INPP5A: variants seen among roughly 807,000 people sequenced by gnomAD.
INPP5A encodes the protein inositol polyphosphate-5-phosphatase A.
INPP5A carries 14 observed loss-of-function variants against 65.2 expected under a neutral mutation model. The ratio of observed to expected loss-of-function variants is 0.21; its 90% CI spans 0.14 to 0.34. INPP5A has a LOEUF of 0.34. Among genes scored for constraint, INPP5A ranks in the 10% least tolerant of loss-of-function variants. INPP5A has a pLI of 1.00. For missense variants in INPP5A, 431 were observed against 545.6 expected (o/e 0.79, Z 2.09); for synonymous variants, 207 against 208.3 (o/e 0.99, Z 0.05).
At chr10:132,617,708 G>A (rs1364759032) in intron 2 of INPP5A, among the ~76,000 whole-genome samples, 1 of 152,220 alleles carries the variant, frequency 6.6e-6, no homozygotes, top group Non-Finnish European at 1.5e-5. Context: ...GGCGTGTGTG[G>A]AGCAACTGCC....
chr10:132,681,908 A>G (rs1483963361), intron 4 of INPP5A, among the ~76,000 whole-genome samples: 3 of 152,244 alleles, frequency 2.0e-5, no homozygotes, highest in African/African-American at 7.2e-5. Context: ...AGGAACTTGG[A>G]GGACATTATG....
chr10:132,766,594 T>C (rs970154471), intron 12 of INPP5A, among the ~76,000 whole-genome samples: 1 of 152,194 alleles, frequency 6.6e-6, no homozygotes, highest in Non-Finnish European at 1.5e-5. Flanking sequence ...CATGGTTGCA[T>C]ATGTGAGCAT....
rs190034811 is a variant in INPP5A, at chr10:132,720,098, G to A, written c.648-6723G>A. 2.9e-3 allele frequency among the ~76,000 whole-genome samples: 434 copies of A among 150,120 alleles called. 1 individual carries two copies. Among genetic ancestry groups the A allele is most frequent in the African/African-American group, 0.01 (410 of 40,584 alleles). On this transcript the variant is annotated intron_variant, in intron 8 of 15. Transcript: ENST00000368594. Reference sequence around the variant, plus strand: ...TGGGCGCCTTAGACGGCTGTCTTGCGGGTTCTGTGGTACCTGGGTTCTGTC... The same window carrying A: ...TGGGCGCCTTAGACGGCTGTCTTGCAGGTTCTGTGGTACCTGGGTTCTGTC...
chr10:132,702,476 TA>T (rs1845452428), intron 6 of INPP5A, among the ~76,000 whole-genome samples: 1 of 152,190 alleles, frequency 6.6e-6, no homozygotes, highest in African/African-American at 2.4e-5. Flanking sequence ...AGGAGAAGAA[TA>T]ATTAATTTTG....
At chr10:132,607,803 C>G (rs1038612403) in intron 1 of INPP5A, 112 bp from the exon 2 acceptor site, 2 of 1,089,348 alleles carry the variant, frequency 1.8e-6, no homozygotes, top group African/African-American at 3.1e-5. Flanking sequence ...GGGGTGGGCC[C>G]GGGCTGCGCC....
chr10:132,780,768 T>C, intron 13 of INPP5A, 81 bp from the exon 14 acceptor site: 1 of 1,129,808 alleles, frequency 8.9e-7, no homozygotes, highest in Admixed American at 1.7e-5. Flanking sequence ...CACAAAACCC[T>C]GATGTTCCTG....
intron 1 of INPP5A, among the ~76,000 whole-genome samples, chr10:132,552,328 G>C (rs528902814): frequency 6.8e-6 from 1 of 147,540 alleles, no homozygotes; most frequent in African/African-American, 2.6e-5. Flanking sequence ...GGCATATTGA[G>C]TGGGATAGGG....
intron 4 of INPP5A, among the ~76,000 whole-genome samples, chr10:132,672,994 G>T (rs536335045): frequency 6.6e-6 from 1 of 152,162 alleles, no homozygotes; most frequent in Non-Finnish European, 1.5e-5. Context: ...GTAGTTTCCC[G>T]TTGACCTTAA....
Position 132,596,945 on chromosome 10 carries a change from G to GCGCATGTGCACGCA in INPP5A, c.76-10970_76-10969insCGCATGTGCACGCA, listed in dbSNP as rs1564929060. On this transcript the variant is annotated intron_variant, in intron 1 of 15. Coordinates refer to ENST00000368594, the MANE Select transcript of INPP5A (RefSeq NM_005539.5). ...TGCGCGCATGTGCACGCATGTGTGCGTGTGTGCACACATGTGTGCGTGTGT... is the reference window on the plus strand; with the variant it reads ...TGCGCGCATGTGCACGCATGTGTGCGCGCATGTGCACGCATGTGTGCACACATGTGTGCGTGTGT... Among the ~76,000 whole-genome samples, 13 of 130,730 alleles carry GCGCATGTGCACGCA rather than the reference G, an allele frequency of 9.9e-5. 1 individual carries two copies. Among genetic ancestry groups the GCGCATGTGCACGCA allele is most frequent in the African/African-American group, 3.5e-4 (10 of 28,470 alleles). The allele number at this position is 130,730 out of a possible 152,430, so 85.8% of individuals were successfully genotyped here. A position where few individuals can be genotyped will look rare whatever the true frequency, so the allele number is the denominator to read the frequency against.
At chr10:132,720,167 G>A (rs183110270) in intron 8 of INPP5A, among the ~76,000 whole-genome samples, 133 of 150,346 alleles carry the variant, frequency 8.8e-4, no homozygotes, top group African/African-American at 3.1e-3. Context: ...TGGTACCTGG[G>A]TTCTGTCTGG....
At position 132,547,754 on chromosome 10, in the gene INPP5A, G is replaced by A. The variant is rs1019985295; in HGVS notation, c.75+9583G>A. On this transcript the variant is annotated intron_variant, in intron 1 of 15. Transcript: ENST00000368594. The surrounding 1 kb of genome is among the most constrained non-coding windows in gnomAD (Gnocchi z 5.5). ...TCCTCCTTCACGGGACAGCCCGCGT[G>A]CCCCCAGCCCTGTGACGCGCTCTTG... Among the ~76,000 whole-genome samples, 2 of 152,150 alleles carry A rather than the reference G, an allele frequency of 1.3e-5. No homozygotes were observed. The highest frequency in any genetic ancestry group is 4.8e-5 in the African/African-American group (2 of 41,436).
At chr10:132,665,360 C>A (rs1195934188) in intron 4 of INPP5A, among the ~76,000 whole-genome samples, 1 of 152,230 alleles carries the variant, frequency 6.6e-6, no homozygotes, top group African/African-American at 2.4e-5. Flanking sequence ...CCCCTCGATT[C>A]TGTGTCGCTA....
chr10:132,680,321 C>T (rs547277070), intron 4 of INPP5A, among the ~76,000 whole-genome samples: 49 of 152,326 alleles, frequency 3.2e-4, no homozygotes, highest in Non-Finnish European at 6.5e-4. Flanking sequence ...CCAAGGACGG[C>T]GTGGAGACGG....
chr10:132,773,963 T>TA (rs1270266699), intron 12 of INPP5A, among the ~76,000 whole-genome samples: 1 of 152,196 alleles, frequency 6.6e-6, no homozygotes, highest in African/African-American at 2.4e-5. Flanking sequence ...GGTCTTACTA[T>TA]GTTGTCCAGG....
intron 2 of INPP5A, among the ~76,000 whole-genome samples, chr10:132,626,562 G>A (rs374469753): frequency 1.3e-5 from 2 of 152,370 alleles, no homozygotes; most frequent in South Asian, 2.1e-4. Context: ...GGGAGCTGGC[G>A]TGTTCAAGAT....
At chr10:132,647,024 G>A (rs1307674087) in intron 3 of INPP5A, among the ~76,000 whole-genome samples, 1 of 152,174 alleles carries the variant, frequency 6.6e-6, no homozygotes, top group African/African-American at 2.4e-5. Context: ...TCCCAGCGCA[G>A]GGTCCTCGAG....
At chr10:132,578,805 G>A (rs1193223572) in intron 1 of INPP5A, among the ~76,000 whole-genome samples, 3 of 152,080 alleles carry the variant, frequency 2.0e-5, no homozygotes, top group African/African-American at 4.8e-5. Context: ...GACTCTCGAC[G>A]GTGGGCAGCC....
rs142619048 is a variant in INPP5A, at chr10:132,601,143, T to C, written c.76-6772T>C. ...TTTCTCCATCTCATCCCAACACTTA[T>C]TATTTTCTCTTTTCAATTTTAATGT... On this transcript the variant is annotated intron_variant, in intron 1 of 15. Coordinates refer to ENST00000368594, the MANE Select transcript of INPP5A (RefSeq NM_005539.5). Among the ~76,000 whole-genome samples the C allele has an allele frequency of 3.8e-3, 581 of 152,354 alleles. 5 individuals carry two copies. The highest frequency in any genetic ancestry group is 0.013 in the African/African-American group (526 of 41,574).
At chr10:132,582,169 G>A (rs997139648) in intron 1 of INPP5A, among the ~76,000 whole-genome samples, 2 of 152,060 alleles carry the variant, frequency 1.3e-5, no homozygotes, top group African/African-American at 4.8e-5. Context: ...TCCATGAGCA[G>A]CAGTTTTTAG....
Sources: allele counts gnomAD v4.1 joint callset (sites outside exome capture counted in the v4.1 genomes callset), GRCh38; gene constraint gnomAD v4.1.1; non-coding constraint Gnocchi (gnomAD v3.1); transcripts MANE v1.5; gene names NCBI Gene and HGNC (gene_info 2026-07-23, HGNC 2026-07-21).